The following MACROD2 variants were observed in gnomAD, a reference collection of about 807,000 sequenced individuals.
The protein encoded by MACROD2 is mono-ADP ribosylhydrolase 2.
In MACROD2, 36 loss-of-function variants were observed where a neutral mutation model predicts 70.4. The ratio of observed to expected loss-of-function variants is 0.51; its 90% CI spans 0.39 to 0.68. The LOEUF is 0.68. Ranked by LOEUF, MACROD2 falls within the 30% of genes least tolerant of loss-of-function variation. The pLI is 0.00. For synonymous variants in MACROD2, 172 were observed against 178.8 expected (o/e 0.96, Z 0.30); for missense variants, 496 against 538.4 (o/e 0.92, Z 0.78).
chr20:15,720,614 T>A (rs1291139311), intron 8 of MACROD2, among the ~76,000 whole-genome samples: 1 of 152,194 alleles, frequency 6.6e-6, no homozygotes, highest in Non-Finnish European at 1.5e-5. Flanking sequence ...GGGTTTCCTG[T>A]CCTAGAATGT....
intron 10 of MACROD2, among the ~76,000 whole-genome samples, chr20:15,921,604 T>C (rs2065408178): frequency 6.6e-6 from 1 of 152,214 alleles, no homozygotes; most frequent in African/African-American, 2.4e-5. Flanking sequence ...TCTCCAATAC[T>C]CTTGTTTGTT....
intron 3 of MACROD2, among the ~76,000 whole-genome samples, chr20:14,106,209 A>G (rs2054366131): frequency 6.6e-6 from 1 of 152,106 alleles, no homozygotes; most frequent in Non-Finnish European, 1.5e-5. Flanking sequence ...CATTCACCAC[A>G]AGCTGACTGA....
intron 5 of MACROD2, among the ~76,000 whole-genome samples, chr20:14,855,990 A>AAG (rs11474453): frequency 0.86 from 130,871 of 151,972 alleles, 56,727 homozygotes; most frequent in African/African-American, 0.91. Flanking sequence ...CTTGTTATTT[A>AAG]AAAGATTTCA....
At chr20:14,342,110 T>G (rs1055922209) in intron 3 of MACROD2, among the ~76,000 whole-genome samples, 1 of 152,138 alleles carries the variant, frequency 6.6e-6, no homozygotes, top group Admixed American at 6.5e-5. Context: ...ATTACATGGG[T>G]GGGGAGATAA....
intron 5 of MACROD2, among the ~76,000 whole-genome samples, chr20:15,224,473 C>T (rs1374794257): frequency 6.6e-6 from 1 of 152,162 alleles, no homozygotes; most frequent in African/African-American, 2.4e-5. Flanking sequence ...TCATTATCTC[C>T]CCACATTGAT....
chr20:15,754,838 C>G (rs181743554), intron 8 of MACROD2, among the ~76,000 whole-genome samples: 8 of 150,746 alleles, frequency 5.3e-5, no homozygotes, highest in Non-Finnish European at 8.9e-5. Context: ...ATTGTTGGGC[C>G]CAAGATGGGG....
intron 5 of MACROD2, among the ~76,000 whole-genome samples, chr20:14,725,686 A>T (rs1848462009): frequency 6.6e-6 from 1 of 152,088 alleles, no homozygotes; most frequent in African/African-American, 2.4e-5. Context: ...CCAGCAAAAA[A>T]CTGAAGCTCC....
chr20:14,765,691 C>T (rs1366065028), intron 5 of MACROD2, among the ~76,000 whole-genome samples: 1 of 151,916 alleles, frequency 6.6e-6, no homozygotes, highest in Non-Finnish European at 1.5e-5. Flanking sequence ...GCCTTAGAAA[C>T]CTGTATTTAA....
At chr20:14,683,966 C>T (rs1385155017) in intron 4 of MACROD2, among the ~76,000 whole-genome samples, 1 of 152,060 alleles carries the variant, frequency 6.6e-6, no homozygotes, top group Non-Finnish European at 1.5e-5. Context: ...ACCCTTCTAC[C>T]TGTGCACTCA....
intron 3 of MACROD2, among the ~76,000 whole-genome samples, chr20:14,277,146 AC>A (rs2082266150): frequency 6.6e-6 from 1 of 152,010 alleles, no homozygotes; most frequent in African/African-American, 2.4e-5. Flanking sequence ...TACTAAAAAT[AC>A]AAAAAAAAAA....
intron 4 of MACROD2, among the ~76,000 whole-genome samples, chr20:14,552,416 T>A (rs1233367389): frequency 6.6e-6 from 1 of 151,356 alleles, no homozygotes; most frequent in Non-Finnish European, 1.5e-5. Context: ...TAGATTTAGC[T>A]ACAAGAAGAG....
chr20:15,647,094 G>C (rs896017953), intron 8 of MACROD2, among the ~76,000 whole-genome samples: 16 of 152,114 alleles, frequency 1.1e-4, no homozygotes, highest in Non-Finnish European at 1.5e-5. Flanking sequence ...AAATGAATGC[G>C]TACTCTTTGC....
At chr20:15,661,131 T>G (rs1368327093) in intron 8 of MACROD2, among the ~76,000 whole-genome samples, 1 of 152,134 alleles carries the variant, frequency 6.6e-6, no homozygotes, top group Non-Finnish European at 1.5e-5. Flanking sequence ...TCAGGGGACA[T>G]CTAGTAATGT....
chr20:14,464,242 T>C (rs1028389005), intron 3 of MACROD2, among the ~76,000 whole-genome samples: 1 of 152,082 alleles, frequency 6.6e-6, no homozygotes, highest in Admixed American at 6.6e-5. Context: ...GAGATTCAAC[T>C]TCTTCCTGGT....
chr20:15,244,334 G>A (rs1053085541), intron 6 of MACROD2, among the ~76,000 whole-genome samples: 2 of 152,132 alleles, frequency 1.3e-5, no homozygotes, highest in Non-Finnish European at 1.5e-5. Flanking sequence ...TAGAGAAAAA[G>A]TACACTAGCC....
Position 15,561,730 on chromosome 20 carries a change from C to T in MACROD2, c.645+61883C>T, listed in dbSNP as rs16995988. Among the ~76,000 whole-genome samples, 2,737 of 152,196 alleles carry T rather than the reference C, an allele frequency of 0.018. 167 individuals carry two copies. The East Asian group carries it at 0.2, about 11-fold the overall frequency. ...TGCTAAGTTATTTATCAGTAATTAT[C>T]ATTAGACAAGCTATACTGGGGTGAA... On this transcript the variant is annotated intron_variant, in intron 8 of 17. Coordinates refer to ENST00000684519, the MANE Select transcript of MACROD2 (RefSeq NM_001351661.2).
At chr20:14,935,381 A>G (rs1221139697) in intron 5 of MACROD2, 1 of 152,092 alleles carries the variant, frequency 6.6e-6, no homozygotes, top group Non-Finnish European at 1.5e-5. Context: ...AAAGGTCTTT[A>G]GAGTACTAAT....
intron 8 of MACROD2, among the ~76,000 whole-genome samples, chr20:15,567,945 T>C (rs2048330388): frequency 6.6e-6 from 1 of 152,208 alleles, no homozygotes; most frequent in South Asian, 2.1e-4. Context: ...CAAATTTACT[T>C]CAAATTAAGA....
chr20:14,991,215 T>G (rs934548865), intron 5 of MACROD2, among the ~76,000 whole-genome samples: 1 of 151,878 alleles, frequency 6.6e-6, no homozygotes, highest in Non-Finnish European at 1.5e-5. Context: ...AAAAAAAAAA[T>G]CTCACGTTGC....
Sources: allele counts gnomAD v4.1 joint callset (sites outside exome capture counted in the v4.1 genomes callset), GRCh38; gene constraint gnomAD v4.1.1; transcripts MANE v1.5; gene names NCBI Gene and HGNC (gene_info 2026-07-23, HGNC 2026-07-21).